Variants in MEGF11 observed in about 807,000 individuals in gnomAD.
MEGF11 encodes the protein multiple epidermal growth factor-like domains protein 11.
MEGF11 carries 126 observed loss-of-function variants against 146.6 expected under a neutral mutation model. The observed-to-expected ratio is 0.86, with a 90% CI of 0.74 to 1.00. MEGF11 has a LOEUF of 1.00. MEGF11 is among the 50% of genes least tolerant of loss of function. The probability of loss-of-function intolerance (pLI) is 0.00; values close to 1 mark genes in which losing one functional copy is unlikely to be tolerated. For synonymous variants in MEGF11, 532 were observed against 583.4 expected (o/e 0.91, Z 1.27); for missense variants, 1,509 against 1,521.2 (o/e 0.99, Z 0.13).
At chr15:66,094,579 C>T in intron 4 of MEGF11, 85 bp from the exon 5 acceptor site, 1 of 1,210,660 alleles carries the variant, frequency 8.3e-7, no homozygotes, top group Non-Finnish European at 1.2e-6. Flanking sequence ...TCCATTTTGT[C>T]ACAACTCCCT....
chr15:65,924,657 C>G (rs1429036409), intron 13 of MEGF11, among the ~76,000 whole-genome samples: 1 of 122,378 alleles, frequency 8.2e-6, no homozygotes, highest in East Asian at 2.3e-4. Context: ...GAGACAGGGT[C>G]TCACTCTATC....
At chr15:66,193,775 C>G (rs2140061255) in intron 1 of MEGF11, among the ~76,000 whole-genome samples, 1 of 151,678 alleles carries the variant, frequency 6.6e-6, no homozygotes, top group Middle Eastern at 3.4e-3. Context: ...GGCTGCCGAG[C>G]AAACTAATAT....
chr15:66,129,482 T>A (rs2140966806), intron 1 of MEGF11, among the ~76,000 whole-genome samples: 1 of 152,298 alleles, frequency 6.6e-6, no homozygotes, highest in East Asian at 1.9e-4. Context: ...GAATTCAGAG[T>A]AGCTTTTCTT....
At chr15:66,215,087 C>T (rs975363041) in intron 1 of MEGF11, among the ~76,000 whole-genome samples, 8 of 152,170 alleles carry the variant, frequency 5.3e-5, no homozygotes, top group Non-Finnish European at 1.2e-4. Context: ...CGCCTCCTCC[C>T]ACACACTCAT....
chr15:65,954,096 T>C (rs2141463899), intron 10 of MEGF11, among the ~76,000 whole-genome samples: 1 of 152,158 alleles, frequency 6.6e-6, no homozygotes, highest in Middle Eastern at 3.4e-3. Context: ...GATAGGGAAA[T>C]GGAGGCCCAG....
chr15:65,955,411 T>A (rs866676632), intron 10 of MEGF11, among the ~76,000 whole-genome samples: 2 of 151,116 alleles, frequency 1.3e-5, no homozygotes, highest in East Asian at 3.9e-4. Flanking sequence ...TTTTTTTTTT[T>A]AATCTTAGTA....
chr15:66,050,222 A>G (rs1237094380), intron 5 of MEGF11, among the ~76,000 whole-genome samples: 2 of 152,208 alleles, frequency 1.3e-5, no homozygotes, highest in Non-Finnish European at 2.9e-5. Flanking sequence ...AGCACACCTG[A>G]CTAGAGCCCC....
At chr15:66,174,735 A>C (rs1316232732) in intron 1 of MEGF11, among the ~76,000 whole-genome samples, 1 of 152,048 alleles carries the variant, frequency 6.6e-6, no homozygotes, top group African/African-American at 2.4e-5. Context: ...GAACTGACAT[A>C]GATCATTCCA....
At chr15:66,253,334 G>A (rs993972513) in intron 1 of MEGF11, among the ~76,000 whole-genome samples, 2 of 152,212 alleles carry the variant, frequency 1.3e-5, no homozygotes, top group Admixed American at 6.5e-5. Flanking sequence ...GACTGCGGCC[G>A]GAGGGCTGCG....
chr15:66,099,200 TTTTC>T (rs2086678039), intron 4 of MEGF11, among the ~76,000 whole-genome samples: 1 of 99,136 alleles, frequency 1.0e-5, no homozygotes. Flanking sequence ...CACCCCTCCT[TTTTC>T]TTTTTTTTTT....
chr15:65,968,061 T>A (rs2081172022), intron 8 of MEGF11, among the ~76,000 whole-genome samples: 1 of 152,114 alleles, frequency 6.6e-6, no homozygotes, highest in Admixed American at 6.5e-5. Flanking sequence ...GCAAATCTTG[T>A]CATATTTCAG....
chr15:65,900,889 G>C (rs1356544251), intron 24 of MEGF11, among the ~76,000 whole-genome samples: 6 of 152,186 alleles, frequency 3.9e-5, no homozygotes, highest in Non-Finnish European at 8.8e-5. Flanking sequence ...GCACCAGCAA[G>C]GCCTAAAGGG....
intron 5 of MEGF11, among the ~76,000 whole-genome samples, chr15:66,059,927 G>T (rs1056821917): frequency 2.6e-5 from 4 of 152,174 alleles, no homozygotes; most frequent in Non-Finnish European, 4.4e-5. Flanking sequence ...CCTTGGCCAG[G>T]GTTCCTGGGA....
rs149833383 is a variant in MEGF11, at chr15:65,909,001, A to C, written c.2998+33T>G. 1,348 of 1,399,504 alleles carry C rather than the reference A, an allele frequency of 9.6e-4. 20 individuals carry two copies. In the East Asian group the frequency reaches 0.013, roughly 13 times the overall value. 86.7% of individuals were successfully genotyped at this position (1,399,504 alleles called of 1,614,324 possible). On this transcript the variant is annotated intron_variant, in intron 23 of 25. Transcript: ENST00000395614. ...GGGCAGGTGCTGGGTCTGGTCTGGCATGAGGGGGTGGAGGGTAGGGCTGGG... is the reference window on the plus strand; with the variant it reads ...GGGCAGGTGCTGGGTCTGGTCTGGCCTGAGGGGGTGGAGGGTAGGGCTGGG...
chr15:65,942,379 G>T (rs1184640963), intron 10 of MEGF11, among the ~76,000 whole-genome samples: 1 of 152,216 alleles, frequency 6.6e-6, no homozygotes, highest in Non-Finnish European at 1.5e-5. Flanking sequence ...GGGGGCATTT[G>T]TATCTTATGT....
chr15:65,945,592 G>A (rs960527044), intron 10 of MEGF11, among the ~76,000 whole-genome samples: 14 of 152,172 alleles, frequency 9.2e-5, no homozygotes, highest in African/African-American at 3.4e-4. Context: ...CCCTCAGAGG[G>A]CAGTGAGAGC....
At chr15:65,915,709 C>CT in intron 18 of MEGF11, 111 bp from the exon 19 acceptor site, 1 of 1,371,678 alleles carries the variant, frequency 7.3e-7, no homozygotes. Context: ...TGAGTGAAGC[C>CT]TATTCCCTTA....
At chr15:65,951,452 C>T (rs185797327) in intron 10 of MEGF11, among the ~76,000 whole-genome samples, 55 of 152,190 alleles carry the variant, frequency 3.6e-4, no homozygotes, top group African/African-American at 1.1e-3. Flanking sequence ...TTTGTGAGGC[C>T]GAGGCGGGCA....
intron 4 of MEGF11, among the ~76,000 whole-genome samples, chr15:66,104,688 C>T (rs768143320): frequency 2.4e-4 from 36 of 152,166 alleles, no homozygotes; most frequent in Non-Finnish European, 4.7e-4. Context: ...TCTTACATTA[C>T]AGATAAGAAG....
Sources: gnomAD v4.1 joint callset for allele counts (sites outside exome capture counted in the v4.1 genomes callset) on GRCh38, gnomAD v4.1.1 for gene constraint, MANE v1.5 for transcripts, NCBI Gene and HGNC (gene_info 2026-07-23, HGNC 2026-07-21) for gene names.